MYT1L: variants seen among roughly 807,000 people sequenced by gnomAD.
MYT1L encodes the protein myelin transcription factor 1-like protein.
MYT1L carries 12 observed loss-of-function variants against 126.7 expected under a neutral mutation model. The ratio of observed to expected loss-of-function variants is 0.09; its 90% CI spans 0.06 to 0.15. The LOEUF is 0.15. Among genes scored for constraint, MYT1L ranks in the 10% least tolerant of loss-of-function variants. The pLI is 1.00. For synonymous variants in MYT1L, 541 were observed against 604.2 expected, an observed-to-expected ratio of 0.90 and a Z score of 1.53; for missense variants, 979 against 1,585.2, an observed-to-expected ratio of 0.62 and a Z score of 6.49.
chr2:1,845,745 T>G (rs1317053823), intron 19 of MYT1L, among the ~76,000 whole-genome samples: 1 of 152,240 alleles, frequency 6.6e-6, no homozygotes, highest in Admixed American at 6.5e-5. Flanking sequence ...TTTTACCCCC[T>G]TATACTGAAT....
chr2:1,850,972 T>C (rs1415515901), intron 19 of MYT1L, among the ~76,000 whole-genome samples: 1 of 152,178 alleles, frequency 6.6e-6, no homozygotes, highest in African/African-American at 2.4e-5. Flanking sequence ...AATAGTCTGG[T>C]GTACCATCTT....
rs141713993 is a variant in MYT1L at position 2,262,138 on chromosome 2, G to A, written c.-421+22266C>T. Among the ~76,000 whole-genome samples the A allele has an allele frequency of 2.0e-5, 3 of 152,250 alleles. No individual in the cohort carries two copies. The East Asian group carries it at 5.8e-4, about 29-fold the overall frequency. On this transcript the variant is annotated intron_variant, in intron 2 of 24. Coordinates refer to ENST00000647738, the MANE Select transcript of MYT1L (RefSeq NM_001303052.2). ...GTTGAATCCCAACAGCTAGAATAGT[G>A]TCTGACACATTGCAGGCACTAAATA...
chr2:2,185,904 CCGGGCCTT>C (rs1559271578), intron 2 of MYT1L, among the ~76,000 whole-genome samples: 43 of 125,994 alleles, frequency 3.4e-4, no homozygotes, highest in African/African-American at 1.4e-3. Context: ...GCCGGGCCTT[CCGGGCCTT>C]CCCAAGTCCC....
At chr2:2,062,994 T>C (rs2070733690) in intron 3 of MYT1L, among the ~76,000 whole-genome samples, 1 of 152,220 alleles carries the variant, frequency 6.6e-6, no homozygotes, top group Non-Finnish European at 1.5e-5. Flanking sequence ...ACTTACACGA[T>C]TCAGCCAATG....
chr2:1,960,009 T>C (rs10207910), intron 8 of MYT1L, among the ~76,000 whole-genome samples: 47,695 of 152,026 alleles, frequency 0.31, 8,383 homozygotes, highest in African/African-American at 0.49. Context: ...TCATAGGTAG[T>C]AACATTTTCC....
chr2:2,201,789 A>G (rs897841143), intron 2 of MYT1L, among the ~76,000 whole-genome samples: 48 of 152,182 alleles, frequency 3.2e-4, no homozygotes, highest in African/African-American at 1.1e-3. Context: ...ACTAACAATG[A>G]TATATTAACT....
intron 8 of MYT1L, among the ~76,000 whole-genome samples, chr2:1,956,683 G>T (rs2058508253): frequency 6.6e-6 from 1 of 151,300 alleles, no homozygotes; most frequent in Non-Finnish European, 1.5e-5. Context: ...TCATCATCAT[G>T]ATTACCTGTC....
intron 9 of MYT1L, among the ~76,000 whole-genome samples, chr2:1,942,728 CATAA>C (rs1477583687): frequency 6.6e-6 from 1 of 152,126 alleles, no homozygotes; most frequent in African/African-American, 2.4e-5. Context: ...AAAAGTACAC[CATAA>C]ATATCTCAGT....
At chr2:2,193,886 G>A (rs978094969) in intron 2 of MYT1L, among the ~76,000 whole-genome samples, 11 of 151,996 alleles carry the variant, frequency 7.2e-5, no homozygotes, top group Non-Finnish European at 1.0e-4. Context: ...ACAGTCCAAG[G>A]CTTCATTTTG....
intron 21 of MYT1L, among the ~76,000 whole-genome samples, chr2:1,837,428 T>A (rs770892359): frequency 6.6e-6 from 1 of 152,174 alleles, no homozygotes; most frequent in Non-Finnish European, 1.5e-5. Context: ...AACATTTTAT[T>A]AATGGTGAAA....
At chr2:2,012,472 G>A (rs1263306994) in intron 4 of MYT1L, among the ~76,000 whole-genome samples, 1 of 152,178 alleles carries the variant, frequency 6.6e-6, no homozygotes, top group African/African-American at 2.4e-5. Flanking sequence ...CGGGGAATGT[G>A]GGAGTGATGG....
At chr2:1,931,135 A>G (rs576975849) in intron 9 of MYT1L, among the ~76,000 whole-genome samples, 2 of 152,288 alleles carry the variant, frequency 1.3e-5, no homozygotes, top group African/African-American at 4.8e-5. Context: ...CTCATCCCTT[A>G]GAGAGGAGAA....
chr2:1,835,794 T>C (rs1240195405), intron 21 of MYT1L, among the ~76,000 whole-genome samples: 1 of 152,138 alleles, frequency 6.6e-6, no homozygotes, highest in Non-Finnish European at 1.5e-5. Flanking sequence ...TGGTGCCTTT[T>C]AGTAAAACGG....
intron 2 of MYT1L, among the ~76,000 whole-genome samples, chr2:2,268,488 A>G: frequency 6.6e-6 from 1 of 152,192 alleles, no homozygotes; most frequent in Non-Finnish European, 1.5e-5. Context: ...AATTATTCAT[A>G]AATTTCTTAT....
At chr2:1,945,158 C>G (rs2057087895) in intron 8 of MYT1L, among the ~76,000 whole-genome samples, 1 of 152,102 alleles carries the variant, frequency 6.6e-6, no homozygotes, top group South Asian at 2.1e-4. Flanking sequence ...AGTGGAGAGT[C>G]CGGCGGGGTC....
chr2:2,260,819 A>G (rs899781656), intron 2 of MYT1L, among the ~76,000 whole-genome samples: 4 of 152,090 alleles, frequency 2.6e-5, no homozygotes, highest in African/African-American at 9.7e-5. Flanking sequence ...AGAATCGGAC[A>G]CTCAGCTGGC....
chr2:1,901,686 G>A (rs1243801909), intron 14 of MYT1L, among the ~76,000 whole-genome samples: 1 of 152,160 alleles, frequency 6.6e-6, no homozygotes, highest in Non-Finnish European at 1.5e-5. Flanking sequence ...TAAATATTGT[G>A]TGTGTATGTG....
intron 3 of MYT1L, among the ~76,000 whole-genome samples, chr2:2,161,225 A>G (rs896000097): frequency 8.5e-5 from 13 of 152,186 alleles, no homozygotes; most frequent in African/African-American, 3.1e-4. Context: ...ACAAAACAAA[A>G]CAAAACAAAA....
intron 21 of MYT1L, among the ~76,000 whole-genome samples, chr2:1,823,368 C>A (rs930361962): frequency 6.6e-6 from 1 of 152,214 alleles, no homozygotes; most frequent in Non-Finnish European, 1.5e-5. Flanking sequence ...GCTGTGGCAG[C>A]TGTAGTTGTA....
Sources: gnomAD v4.1 joint callset for allele counts (sites outside exome capture counted in the v4.1 genomes callset) on GRCh38, gnomAD v4.1.1 for gene constraint, MANE v1.5 for transcripts, NCBI Gene and HGNC (gene_info 2026-07-23, HGNC 2026-07-21) for gene names.